The following TOX3 variants were observed in gnomAD, a reference collection of about 807,000 sequenced individuals.
The protein encoded by TOX3 is CAG trinucleotide repeat-containing gene F9 protein.
In TOX3, 22 loss-of-function variants were observed where a neutral mutation model predicts 64.3. The observed-to-expected ratio is 0.34, with a 90% CI of 0.24 to 0.49. The LOEUF is 0.49. Ranked by LOEUF, TOX3 falls within the 20% of genes least tolerant of loss-of-function variation. TOX3 has a pLI of 0.99. For missense variants in TOX3, 661 were observed against 714.4 expected (o/e 0.93, Z 0.85); for synonymous variants, 291 against 273.6 (o/e 1.06, Z -0.63).
At position 52,446,236 on chromosome 16, in the gene TOX3, G is replaced by T. The variant is rs1960159189; in HGVS notation, c.679-15C>A. Reference sequence around the variant, plus strand: ...TCTCCAATGGCCTGCAAAGCAGGAAGAAAATTCACTGCCTAGAATGTACTT... The same window carrying T: ...TCTCCAATGGCCTGCAAAGCAGGAATAAAATTCACTGCCTAGAATGTACTT... On this transcript the variant is annotated splice_polypyrimidine_tract_variant and intron_variant, in intron 4 of 6. Transcript: ENST00000219746. 6.2e-6 allele frequency: 10 copies of T among 1,609,870 alleles called. No homozygotes were observed. The highest frequency in any genetic ancestry group is 8.5e-6 in the Non-Finnish European group (10 of 1,178,198).
chr16:52,477,897 G>C (rs1330176462), intron 1 of TOX3, among the ~76,000 whole-genome samples: 2 of 152,046 alleles, frequency 1.3e-5, no homozygotes, highest in Non-Finnish European at 2.9e-5. Context: ...GAGTGCAATG[G>C]TGCTACCATA....
intron 3 of TOX3, among the ~76,000 whole-genome samples, chr16:52,458,869 G>A (rs1312412647): frequency 6.6e-6 from 1 of 152,168 alleles, no homozygotes; most frequent in Non-Finnish European, 1.5e-5. Flanking sequence ...TCAAGGTATA[G>A]TAACAGCTAA....
chr16:52,524,159 G>T (rs1457291670), intron 1 of TOX3, among the ~76,000 whole-genome samples: 1 of 152,092 alleles, frequency 6.6e-6, no homozygotes, highest in Admixed American at 6.6e-5. Flanking sequence ...ACATTAAGAT[G>T]CCATAAGCTA....
At chr16:52,530,783 C>T (rs992593237) in intron 1 of TOX3, among the ~76,000 whole-genome samples, 1 of 151,972 alleles carries the variant, frequency 6.6e-6, no homozygotes, top group South Asian at 2.1e-4. Flanking sequence ...CTTCTGTTAT[C>T]ACTCTTCTTA....
intron 2 of TOX3, among the ~76,000 whole-genome samples, chr16:52,467,611 C>T (rs1460278199): frequency 6.6e-6 from 1 of 152,078 alleles, no homozygotes; most frequent in Admixed American, 6.6e-5. Flanking sequence ...ACATGAACCA[C>T]AAGAGGAAAT....
At chr16:52,455,010 C>T (rs2151749496) in intron 3 of TOX3, among the ~76,000 whole-genome samples, 1 of 152,204 alleles carries the variant, frequency 6.6e-6, no homozygotes, top group South Asian at 2.1e-4. Flanking sequence ...AAATTAAGTC[C>T]TGAAAGATTT....
At chr16:52,450,825 G>A (rs867581060) in intron 3 of TOX3, among the ~76,000 whole-genome samples, 4 of 143,980 alleles carry the variant, frequency 2.8e-5, no homozygotes, top group African/African-American at 8.1e-5. Flanking sequence ...AGGAAGGAAG[G>A]AAGGAAGGAA....
chr16:52,510,943 A>G (rs376599796), intron 1 of TOX3, among the ~76,000 whole-genome samples: 3 of 152,210 alleles, frequency 2.0e-5, no homozygotes, highest in African/African-American at 7.2e-5. Flanking sequence ...CAAAGGAATC[A>G]GAGCTCCTCA....
In TOX3 at chr16:52,450,471, C is replaced by T. The variant is rs202068223; in HGVS notation, c.484G>A (p.Asp162Asn). Residue 162 changes from aspartate (D) to asparagine (N), a missense_variant, in exon 4 of 7, where the codon GAT becomes AAT. Around this residue, in one of 3 missense-constraint regions of TOX3, gnomAD observed 259 missense variants for 261.2 expected, o/e 0.99. Coordinates refer to ENST00000219746, the MANE Select transcript of TOX3 (RefSeq NM_001080430.4). ...LIMRSIVHMT[D>N]AARSGVMPPA... Reference sequence around the variant, plus strand: ...GGCATGACCCCAGAACGCGCAGCATCGGTCATGTGGACGATGGACCGCATG... The same window carrying T: ...GGCATGACCCCAGAACGCGCAGCATTGGTCATGTGGACGATGGACCGCATG... 76 of 1,613,912 alleles carry T rather than the reference C, an allele frequency of 4.7e-5. No individual in the cohort carries two copies. In the African/African-American group the frequency reaches 6.1e-4, roughly 13 times the overall value.
rs569639830 is a variant in TOX3 at position 52,449,010 on chromosome 16, C to T, written c.678+1267G>A. ...CTCTTCTTCAAATTCCAGTGGATCA[C>T]CAAATCCTTAAAATCTTTATGATTT... On this transcript the variant is annotated intron_variant, in intron 4 of 6. Transcript: ENST00000219746. Among the ~76,000 whole-genome samples, 31 of 152,304 alleles carry T rather than the reference C, an allele frequency of 2.0e-4. 1 individual carries two copies.
chr16:52,546,069 C>T (rs1423404553), intron 1 of TOX3, among the ~76,000 whole-genome samples: 1 of 152,148 alleles, frequency 6.6e-6, no homozygotes, highest in African/African-American at 2.4e-5. Flanking sequence ...GTCCAAAGTG[C>T]CCTAACGAAA....
At chr16:52,473,127 T>C (rs1961097817) in intron 1 of TOX3, among the ~76,000 whole-genome samples, 1 of 152,128 alleles carries the variant, frequency 6.6e-6, no homozygotes, top group Admixed American at 6.6e-5. Flanking sequence ...AGTGCCAAAG[T>C]AAATTAATGT....
At chr16:52,545,689 C>T (rs896476823) in intron 1 of TOX3, among the ~76,000 whole-genome samples, 4 of 152,196 alleles carry the variant, frequency 2.6e-5, no homozygotes, top group Non-Finnish European at 5.9e-5. Context: ...CAGAGCCCGG[C>T]TGTTTCTCTG....
At chr16:52,538,819 T>C (rs936128496) in intron 1 of TOX3, among the ~76,000 whole-genome samples, 3 of 152,110 alleles carry the variant, frequency 2.0e-5, no homozygotes, top group Admixed American at 2.0e-4. Flanking sequence ...TAAGAGAACA[T>C]GGCCTCCCTG....
At chr16:52,458,779 A>C (rs905840844) in intron 3 of TOX3, among the ~76,000 whole-genome samples, 1 of 152,200 alleles carries the variant, frequency 6.6e-6, no homozygotes, top group African/African-American at 2.4e-5. Context: ...ATTTATTTTA[A>C]GCTCAGTGTG....
Position 52,546,670 on chromosome 16 carries a change from G to A in TOX3, c.54C>T (p.Phe18=), listed in dbSNP as rs768708454. ...AGCCGTAGTACCCCAGGCACTGCGC[G>A]AAGTCCAGGCTGGCAGGGTCCCCGG... ...AAAGDPASLD[F]AQCLGYYGYS... is the part of the protein sequence containing the mutation. The change falls in exon 1 of 7, where the codon TTC becomes TTT. Residue 18 remains phenylalanine, a synonymous_variant. Coordinates refer to ENST00000219746, the MANE Select transcript of TOX3 (RefSeq NM_001080430.4). The A allele has an allele frequency of 2.0e-5, 31 of 1,544,332 alleles. No individual in the cohort carries two copies. The Admixed American group carries it at 2.3e-4, about 12-fold the overall frequency.
intron 1 of TOX3, among the ~76,000 whole-genome samples, chr16:52,496,771 G>T (rs1280315909): frequency 6.6e-6 from 1 of 152,010 alleles, no homozygotes; most frequent in African/African-American, 2.4e-5. Flanking sequence ...ACTGAACTTG[G>T]AGCACAAGCT....
chr16:52,502,700 C>A (rs1390597845), intron 1 of TOX3, among the ~76,000 whole-genome samples: 1 of 152,140 alleles, frequency 6.6e-6, no homozygotes, highest in Non-Finnish European at 1.5e-5. Flanking sequence ...AAATTTTTGA[C>A]ACCAACATAA....
At chr16:52,454,971 A>T (rs1271819867) in intron 3 of TOX3, among the ~76,000 whole-genome samples, 2 of 152,178 alleles carry the variant, frequency 1.3e-5, no homozygotes, top group African/African-American at 4.8e-5. Context: ...ATTTAATGTG[A>T]TTTTGTTAAT....
Sources: allele counts gnomAD v4.1 joint callset (sites outside exome capture counted in the v4.1 genomes callset), GRCh38; gene constraint gnomAD v4.1.1; regional missense constraint gnomAD v4.1.1; transcripts MANE v1.5; gene names NCBI Gene and HGNC (gene_info 2026-07-23, HGNC 2026-07-21).